SBNO1: variants seen among roughly 807,000 people sequenced by gnomAD.
SBNO1 encodes the protein protein strawberry notch homolog 1.
In SBNO1, 23 loss-of-function variants were observed where a neutral mutation model predicts 173.6. The ratio of observed to expected loss-of-function variants is 0.13; its 90% CI spans 0.10 to 0.19. The LOEUF is 0.19. Ranked by LOEUF, SBNO1 falls within the 10% of genes least tolerant of loss-of-function variation. SBNO1 has a pLI of 1.00. For synonymous variants in SBNO1, 632 were observed against 571.5 expected (o/e 1.11, Z -1.51); for missense variants, 1,238 against 1,671.2 (o/e 0.74, Z 4.52).
chr12:123,355,417 C>G (rs1164399677), intron 1 of SBNO1, among the ~76,000 whole-genome samples: 3 of 152,050 alleles, frequency 2.0e-5, no homozygotes, highest in African/African-American at 7.2e-5. Flanking sequence ...ACCATCCTGG[C>G]CAACGTGGTG....
chr12:123,305,767 C>T (rs1396015196), intron 28 of SBNO1, among the ~76,000 whole-genome samples: 1 of 152,128 alleles, frequency 6.6e-6, no homozygotes, highest in African/African-American at 2.4e-5. Flanking sequence ...GCCACCACGC[C>T]TGGCCTATTT....
chr12:123,357,375 G>A (rs1279771077), intron 1 of SBNO1, among the ~76,000 whole-genome samples: 1 of 151,950 alleles, frequency 6.6e-6, no homozygotes, highest in East Asian at 1.9e-4. Flanking sequence ...CCGGAACCCA[G>A]GGGGTGAAGG....
chr12:123,342,912 G>A (rs1255218982), intron 4 of SBNO1, among the ~76,000 whole-genome samples: 1 of 152,170 alleles, frequency 6.6e-6, no homozygotes, highest in Admixed American at 6.6e-5. Context: ...AAGAGTATTT[G>A]GGAGGACTAT....
At chr12:123,341,836 T>A (rs1348633961) in intron 4 of SBNO1, among the ~76,000 whole-genome samples, 1 of 151,212 alleles carries the variant, frequency 6.6e-6, no homozygotes, top group African/African-American at 2.4e-5. Context: ...CCTCTATTAC[T>A]AATTTAAATT....
At chr12:123,349,849 G>C (rs892007743) in intron 2 of SBNO1, among the ~76,000 whole-genome samples, 5 of 151,958 alleles carry the variant, frequency 3.3e-5, no homozygotes, top group African/African-American at 9.7e-5. Context: ...GGAGGCAGAG[G>C]TTGCAGTGAG....
chr12:123,362,243 T>C (rs1410623872), intron 1 of SBNO1, among the ~76,000 whole-genome samples: 4 of 151,474 alleles, frequency 2.6e-5, no homozygotes, highest in African/African-American at 9.7e-5. Flanking sequence ...GAGACTATCC[T>C]GGCTAACATG....
Position 123,364,814 on chromosome 12 carries a change from C to G in SBNO1, c.-114G>C. The G allele has an allele frequency of 2.0e-6, 2 of 979,722 alleles. No individual in the cohort carries two copies. Among genetic ancestry groups the G allele is most frequent in the Middle Eastern group, 5.3e-4 (1 of 1,896 alleles). 60.7% of individuals were successfully genotyped at this position (979,722 alleles called of 1,614,324 possible). On this transcript the variant is annotated 5_prime_UTR_variant, in exon 1 of 32. Transcript: ENST00000602398. ...GCGGCGGCAGCAGCGGCGTCCTGCTCTGCCTACCTCCCCGCCGCCATCTTG... is the reference window on the plus strand; with the variant it reads ...GCGGCGGCAGCAGCGGCGTCCTGCTGTGCCTACCTCCCCGCCGCCATCTTG...
rs1490234526 is a variant in SBNO1 at position 123,347,092 on chromosome 12, AG to A, written c.237+936del. Among the ~76,000 whole-genome samples the A allele has an allele frequency of 4.9e-4, 74 of 151,454 alleles. 1 individual carries two copies. The highest frequency in any genetic ancestry group is 1.7e-3 in the African/African-American group (72 of 41,332). ...GTCTCCGTCTCAAAAAAAAAAAAAAAGAAACAAGAATGAAAGAAATGTGTCG... is the reference window on the plus strand; with the variant it reads ...GTCTCCGTCTCAAAAAAAAAAAAAAAAAACAAGAATGAAAGAAATGTGTCG... On this transcript the variant is annotated intron_variant, in intron 3 of 31. Transcript: ENST00000602398.
intron 22 of SBNO1, 33 bp from the exon 23 acceptor site, chr12:123,315,477 G>C: frequency 6.3e-7 from 1 of 1,597,730 alleles, no homozygotes. Flanking sequence ...TCAAGGCACA[G>C]GTAACCTTTT....
intron 1 of SBNO1, among the ~76,000 whole-genome samples, chr12:123,362,859 G>A (rs570794946): frequency 8.9e-4 from 134 of 151,064 alleles, no homozygotes; most frequent in African/African-American, 2.8e-3. Flanking sequence ...GCGGAGGCCA[G>A]AAGATTGCTT....
Position 123,364,682 on chromosome 12 carries a change from G to A in SBNO1, c.-1+19C>T, listed in dbSNP as rs1392405748. ...GAGGGGGAGTGTGGAAGGAGAAAAG[G>A]GCCAAGGGAAGGACTTACTTTCCCC... On this transcript the variant is annotated intron_variant, in intron 1 of 31. Transcript: ENST00000602398. 3.0e-6 allele frequency: 3 copies of A among 984,086 alleles called. No homozygotes were observed. The highest frequency in any genetic ancestry group is 1.1e-4 in the East Asian group (1 of 8,738). The allele number at this position is 984,086 out of a possible 1,614,324, so 61.0% of individuals were successfully genotyped here. A position where few individuals can be genotyped will look rare whatever the true frequency, so the allele number is the denominator to read the frequency against.
At chr12:123,311,005 TTTAA>T in intron 25 of SBNO1, 46 bp downstream of exon 25, 1 of 1,309,472 alleles carries the variant, frequency 7.6e-7, no homozygotes, top group Non-Finnish European at 1.1e-6. Flanking sequence ...CATAATGGAC[TTTAA>T]TACTATAGCA....
intron 3 of SBNO1, among the ~76,000 whole-genome samples, chr12:123,347,347 C>A (rs1277093414): frequency 6.6e-6 from 1 of 151,364 alleles, no homozygotes; most frequent in Non-Finnish European, 1.5e-5. Context: ...CTGCCTCAGC[C>A]TCCCGAGTAG....
At position 123,355,289 on chromosome 12, in the gene SBNO1, G is replaced by A. The variant is rs563900715; in HGVS notation, c.1-4848C>T. 3.9e-5 allele frequency among the ~76,000 whole-genome samples: 6 copies of A among 152,218 alleles called. No homozygotes were observed. In the South Asian group the frequency reaches 1.2e-3, roughly 32 times the overall value. Reference sequence around the variant, plus strand: ...CCGCCTGGGCCTCCCAAAGTGCTGGGATTGCAGGCATAAGCCACCATGCCC... The same window carrying A: ...CCGCCTGGGCCTCCCAAAGTGCTGGAATTGCAGGCATAAGCCACCATGCCC... On this transcript the variant is annotated intron_variant, in intron 1 of 31. Coordinates refer to ENST00000602398, the MANE Select transcript of SBNO1 (RefSeq NM_001167856.3).
intron 29 of SBNO1, among the ~76,000 whole-genome samples, chr12:123,304,015 C>A (rs1046080875): frequency 8.4e-5 from 12 of 142,516 alleles, no homozygotes; most frequent in African/African-American, 3.1e-4. Flanking sequence ...CAAGCCTCCT[C>A]CACTTCACAG....
At chr12:123,346,069 A>G (rs1249022514) in intron 3 of SBNO1, among the ~76,000 whole-genome samples, 10 of 152,232 alleles carry the variant, frequency 6.6e-5, no homozygotes, top group African/African-American at 1.7e-4. Context: ...AACCCTTTCT[A>G]TAACTGTCAG....
intron 21 of SBNO1, among the ~76,000 whole-genome samples, chr12:123,316,033 C>T (rs1869213665): frequency 6.6e-6 from 1 of 152,084 alleles, no homozygotes; most frequent in Non-Finnish European, 1.5e-5. Context: ...CTAATACATC[C>T]TTAAGTTTTA....
Position 123,309,850 on chromosome 12 carries a change from T to C in SBNO1, c.3302A>G (p.Asn1101Ser). The C allele has an allele frequency of 1.3e-6, 2 of 1,586,264 alleles. No individual in the cohort carries two copies. The highest frequency in any genetic ancestry group is 1.7e-6 in the Non-Finnish European group (2 of 1,167,818). Residue 1101 changes from asparagine (N) to serine (S), a missense_variant, in exon 26 of 32, where the codon AAC (asparagine) becomes AGC (serine). Transcript: ENST00000602398. The part of the protein sequence containing the change: ...SGILTLDKDY[N>S]NIGKFLNRIL... ...TCTATTTAAGAATTTTCCTATGTTG[T>C]TATAATCTGTAATGACAAAAGATAA...
intron 7 of SBNO1, among the ~76,000 whole-genome samples, chr12:123,333,134 A>C (rs12314590): frequency 0.95 from 144,733 of 151,946 alleles, 69,063 homozygotes; most frequent in Non-Finnish European, 0.96. Flanking sequence ...AAAAAAAAAA[A>C]AAAAGTGCTG....
Sources: allele counts gnomAD v4.1 joint callset (sites outside exome capture counted in the v4.1 genomes callset), GRCh38; gene constraint gnomAD v4.1.1; transcripts MANE v1.5; gene names NCBI Gene and HGNC (gene_info 2026-07-23, HGNC 2026-07-21).